KAT6A: variants seen among roughly 807,000 people sequenced by gnomAD.
KAT6A encodes the protein histone acetyltransferase KAT6A.
Under a neutral mutation model 198.4 loss-of-function variants are expected in KAT6A, and 9 were observed. That is an observed-to-expected ratio of 0.05 (90% CI 0.03 to 0.08). The LOEUF (loss-of-function observed/expected upper bound fraction) is 0.08. Ranked by LOEUF, KAT6A falls within the 10% of genes least tolerant of loss-of-function variation. The pLI is 1.00. For synonymous variants in KAT6A, 890 were observed against 883.0 expected (o/e 1.01, Z -0.14); for missense variants, 2,077 against 2,509.9 (o/e 0.83, Z 3.69).
At chr8:41,990,284 G>A (rs543810799) in intron 2 of KAT6A, among the ~76,000 whole-genome samples, 8 of 152,280 alleles carry the variant, frequency 5.3e-5, no homozygotes, top group East Asian at 3.9e-4. Flanking sequence ...GTATTAAGGC[G>A]CTGAGCAAAG....
At chr8:41,972,665 T>C (rs928022410) in intron 8 of KAT6A, among the ~76,000 whole-genome samples, 2 of 152,180 alleles carry the variant, frequency 1.3e-5, no homozygotes, top group African/African-American at 2.4e-5. Context: ...CTGTTCCCAA[T>C]TGGAAGGAGA....
At chr8:42,003,756 A>T (rs1435876312) in intron 2 of KAT6A, among the ~76,000 whole-genome samples, 1 of 152,150 alleles carries the variant, frequency 6.6e-6, no homozygotes, top group African/African-American at 2.4e-5. Context: ...TAACAGAGGT[A>T]ATTGAGGTTA....
chr8:41,945,320 G>C (rs915227373), intron 12 of KAT6A, among the ~76,000 whole-genome samples: 2 of 148,742 alleles, frequency 1.3e-5, no homozygotes, highest in African/African-American at 5.0e-5. Flanking sequence ...ACCCAGGCTA[G>C]AGTGCAGTGG....
In KAT6A at chr8:41,981,905, C is replaced by A; in HGVS notation, c.759G>T (p.Lys253Asn). ...KFSPELTVRV[K>N]ALRWQCIECK... The stretch of plus-strand genomic sequence containing the variant: ...ACTCGATGCACTGCCACCGTAAGGC[C>A]TTCACTCGAACCGTTAGTTCAGGGG... Residue 253 changes from lysine (K) to asparagine (N), a missense_variant, in exon 4 of 17, where the codon AAG becomes AAT. Physicochemically the swap from Lys to Asn is moderately conservative, Grantham distance 94. This residue lies in a region of KAT6A where 89 missense variants were observed against 154.4 expected (regional missense o/e 0.58). Coordinates refer to ENST00000265713, the MANE Select transcript of KAT6A (RefSeq NM_006766.5). The A allele has an allele frequency of 1.2e-6, 2 of 1,614,038 alleles. No homozygotes were observed. Among genetic ancestry groups the A allele is most frequent in the Non-Finnish European group, 1.7e-6 (2 of 1,179,948 alleles).
intron 6 of KAT6A, among the ~76,000 whole-genome samples, chr8:41,977,997 G>A (rs914557096): frequency 5.3e-5 from 8 of 152,176 alleles, no homozygotes; most frequent in African/African-American, 1.9e-4. Context: ...ATCATCAAAG[G>A]TGAGTTACTA....
At chr8:41,994,178 A>T (rs541906515) in intron 2 of KAT6A, among the ~76,000 whole-genome samples, 40 of 152,282 alleles carry the variant, frequency 2.6e-4, no homozygotes, top group African/African-American at 9.1e-4. Flanking sequence ...ACAACTAATA[A>T]AAGAAAAAAG....
intron 2 of KAT6A, among the ~76,000 whole-genome samples, chr8:42,044,088 T>C (rs1395363161): frequency 2.0e-5 from 3 of 149,960 alleles, no homozygotes; most frequent in African/African-American, 4.9e-5. Context: ...CCTTATAACA[T>C]GGGTAAAAAC....
At chr8:42,001,900 T>C (rs759678421) in intron 2 of KAT6A, among the ~76,000 whole-genome samples, 2 of 152,228 alleles carry the variant, frequency 1.3e-5, no homozygotes, top group Non-Finnish European at 2.9e-5. Context: ...AGATACTTAG[T>C]ACGTCTTTGT....
chr8:42,044,477 A>G (rs138068162), intron 2 of KAT6A, among the ~76,000 whole-genome samples: 132 of 152,206 alleles, frequency 8.7e-4, no homozygotes, highest in African/African-American at 2.9e-3. Context: ...TAAAGTTCCA[A>G]TGTCTTCACA....
rs34473679 is a variant in KAT6A, at chr8:41,977,384, T to C, written c.1044-57A>G. On this transcript the variant is annotated intron_variant, in intron 6 of 16. Transcript: ENST00000265713. ...TTAAAAAAGATACTTGTAAGGTTCCTTTTTAATACATAACATATAATTAGT... is the reference window on the plus strand; with the variant it reads ...TTAAAAAAGATACTTGTAAGGTTCCCTTTTAATACATAACATATAATTAGT... 129,646 of 1,226,824 alleles carry C rather than the reference T, an allele frequency of 0.11. 7,634 individuals are homozygous for C. The highest frequency in any genetic ancestry group is 0.19 in the Middle Eastern group (968 of 5,078). The allele number at this position is 1,226,824 out of a possible 1,614,324, so 76.0% of individuals were successfully genotyped here.
chr8:41,977,237 T>C lies in KAT6A; in HGVS notation c.1134A>G (p.Ser378=), dbSNP rs147952562. The change falls in exon 7 of 17, where the codon TCA becomes TCG. Residue 378 remains serine, a synonymous_variant. Transcript: ENST00000265713. ...TCCGCTCTAAATATCCTTCTTCTGATGATGATGATGCTGATTGGCTGGAAA... is the reference window on the plus strand; with the variant it reads ...TCCGCTCTAAATATCCTTCTTCTGACGATGATGATGCTGATTGGCTGGAAA... ...ITLSSQSASS[S]SEEGYLERID... 1.4e-4 allele frequency: 230 copies of C among 1,614,202 alleles called. No homozygotes were observed. In the African/African-American group the frequency reaches 2.7e-3, roughly 19 times the overall value.
intron 2 of KAT6A, among the ~76,000 whole-genome samples, chr8:42,032,343 T>G (rs1827173219): frequency 6.6e-6 from 1 of 152,190 alleles, no homozygotes; most frequent in African/African-American, 2.4e-5. Flanking sequence ...TGTACAAAAT[T>G]GTTATATCAA....
intron 2 of KAT6A, among the ~76,000 whole-genome samples, chr8:42,020,252 T>A (rs538715827): frequency 6.6e-6 from 1 of 152,166 alleles, no homozygotes; most frequent in African/African-American, 2.4e-5. Flanking sequence ...AGAGACTGTA[T>A]GGCCCGCAAA....
chr8:42,018,584 T>C (rs1307128802), intron 2 of KAT6A, among the ~76,000 whole-genome samples: 1 of 152,118 alleles, frequency 6.6e-6, no homozygotes, highest in Admixed American at 6.5e-5. Flanking sequence ...CCATCTCTGT[T>C]AAGGCCAGAA....
intron 2 of KAT6A, among the ~76,000 whole-genome samples, chr8:42,031,381 T>G (rs1393694414): frequency 6.6e-6 from 1 of 152,166 alleles, no homozygotes; most frequent in Non-Finnish European, 1.5e-5. Context: ...ATACCCTATT[T>G]TCTCCTTTTC....
At chr8:41,981,692 T>G (rs1824362954) in intron 4 of KAT6A, 147 bp downstream of exon 4, 1 of 597,878 alleles carries the variant, frequency 1.7e-6, no homozygotes. Context: ...TCTAAACTAA[T>G]GACATGTAGT....
chr8:42,019,531 T>C (rs2150913885), intron 2 of KAT6A, among the ~76,000 whole-genome samples: 1 of 152,298 alleles, frequency 6.6e-6, no homozygotes, highest in South Asian at 2.1e-4. Flanking sequence ...TTTTCAAAAG[T>C]ATGTTGCAGT....
intron 8 of KAT6A, among the ~76,000 whole-genome samples, chr8:41,966,491 C>T (rs1016737308): frequency 4.6e-5 from 7 of 152,022 alleles, no homozygotes; most frequent in African/African-American, 1.4e-4. Flanking sequence ...CTGGTGGATA[C>T]GCGGGGACTC....
Position 42,036,999 on chromosome 8 carries a change from C to T in KAT6A, c.600+11379G>A, listed in dbSNP as rs148643476. ...AAAAAGTACCTGCTTCTTCTGTCTT[C>T]TGACTCTCTTAGCCAGTCCCCACTA... On this transcript the variant is annotated intron_variant, in intron 2 of 16. Transcript: ENST00000265713. 2.0e-3 allele frequency among the ~76,000 whole-genome samples: 311 copies of T among 152,276 alleles called. 1 individual carries two copies. The highest frequency in any genetic ancestry group is 3.0e-3 in the Non-Finnish European group (201 of 68,014).
Sources: gnomAD v4.1 joint callset for allele counts (sites outside exome capture counted in the v4.1 genomes callset) on GRCh38, gnomAD v4.1.1 for gene constraint, gnomAD v4.1.1 regional missense constraint, MANE v1.5 for transcripts, NCBI Gene and HGNC (gene_info 2026-07-23, HGNC 2026-07-21) for gene names.